DSCAM: variants seen among roughly 807,000 people sequenced by gnomAD.
DSCAM encodes the protein DS cell adhesion molecule, also known as cell adhesion molecule DSCAM.
A neutral mutation model predicts 217.7 loss-of-function variants in DSCAM; 47 were observed. The observed-to-expected ratio is 0.22, with a 90% CI of 0.17 to 0.28. The LOEUF (loss-of-function observed/expected upper bound fraction) is 0.28, where lower values mean the gene tolerates loss of function less well. Ranked by LOEUF, DSCAM falls within the 10% of genes least tolerant of loss-of-function variation. The probability of loss-of-function intolerance (pLI) is 1.00; values close to 1 mark genes in which losing one functional copy is unlikely to be tolerated. For synonymous variants in DSCAM, 1,056 were observed against 1,015.3 expected (o/e 1.04, Z -0.76); for missense variants, 2,080 against 2,618.3 (o/e 0.79, Z 4.49).
chr21:40,288,305 T>C (rs765166510), intron 10 of DSCAM, among the ~76,000 whole-genome samples: 34 of 152,326 alleles, frequency 2.2e-4, no homozygotes, highest in Admixed American at 3.9e-4. Context: ...GGACTATCCA[T>C]GGTATTGGCT....
At chr21:40,338,921 T>A (rs543062595) in intron 7 of DSCAM, among the ~76,000 whole-genome samples, 198 bp downstream of exon 7, 8 of 152,156 alleles carry the variant, frequency 5.3e-5, no homozygotes, top group African/African-American at 1.9e-4. Context: ...AAGAACAAGC[T>A]GACTACAGAA....
intron 10 of DSCAM, among the ~76,000 whole-genome samples, chr21:40,295,830 T>C (rs2073948087): frequency 6.6e-6 from 1 of 152,260 alleles, no homozygotes; most frequent in African/African-American, 2.4e-5. Flanking sequence ...CATCCCTCTG[T>C]GGCCTTTCCA....
chr21:40,600,519 C>T (rs1285095916), intron 3 of DSCAM, among the ~76,000 whole-genome samples: 1 of 152,164 alleles, frequency 6.6e-6, no homozygotes, highest in African/African-American at 2.4e-5. Context: ...ACACATACAT[C>T]CAGACCATAG....
At chr21:40,780,029 ACAAG>A (rs1446340447) in intron 1 of DSCAM, among the ~76,000 whole-genome samples, 5 of 152,224 alleles carry the variant, frequency 3.3e-5, no homozygotes, top group Non-Finnish European at 5.9e-5. Context: ...TCTCACCTTT[ACAAG>A]CAGAGTTAGG....
chr21:40,163,875 TC>T (rs1266833806), intron 16 of DSCAM, among the ~76,000 whole-genome samples: 1 of 152,210 alleles, frequency 6.6e-6, no homozygotes. Context: ...TCTCTGGAGA[TC>T]CTGATAGCGG....
intron 3 of DSCAM, among the ~76,000 whole-genome samples, chr21:40,506,221 T>C (rs530221962): frequency 1.3e-5 from 2 of 152,334 alleles, no homozygotes; most frequent in African/African-American, 2.4e-5. Flanking sequence ...CTGAAGCCCA[T>C]GCACGAGGGG....
intron 3 of DSCAM, among the ~76,000 whole-genome samples, chr21:40,669,618 C>A (rs1439611475): frequency 6.7e-6 from 1 of 148,228 alleles, no homozygotes; most frequent in African/African-American, 2.5e-5. Flanking sequence ...GACAGAGTCT[C>A]GCTCTGTCAG....
chr21:40,339,415 T>C lies in DSCAM; in HGVS notation c.1211A>G (p.Asp404Gly), dbSNP rs1785873090. The change falls in exon 7 of 33, where the codon GAT becomes GGT. Residue 404 changes from aspartate (D) to glycine (G), a missense_variant and splice_region_variant. This residue lies in a region of DSCAM where 568 missense variants were observed against 678.1 expected (regional missense o/e 0.84). Transcript: ENST00000400454. ...GGCAGAAATAATTTTGGGAGTTCCA[T>C]CTGCAGGAAAACAAATTATGGAAGA... Reference protein sequence around the residue: ...AQDYVQVVLEDGTPKIISAFS... With the variant: ...AQDYVQVVLEGGTPKIISAFS... 8.1e-6 allele frequency: 13 copies of C among 1,595,110 alleles called. No homozygotes were observed. The East Asian group carries it at 1.8e-4, about 22-fold the overall frequency.
intron 3 of DSCAM, among the ~76,000 whole-genome samples, chr21:40,687,470 G>A (rs1233478973): frequency 6.6e-6 from 1 of 152,142 alleles, no homozygotes; most frequent in Non-Finnish European, 1.5e-5. Context: ...GAAAGGGAAG[G>A]TTAACTTCTA....
At chr21:40,762,099 A>C (rs2091341543) in intron 1 of DSCAM, among the ~76,000 whole-genome samples, 1 of 152,222 alleles carries the variant, frequency 6.6e-6, no homozygotes, top group South Asian at 2.1e-4. Context: ...AAGACAAGAA[A>C]TAACTAAGAT....
At chr21:40,682,401 G>A (rs1189339685) in intron 3 of DSCAM, among the ~76,000 whole-genome samples, 1 of 151,776 alleles carries the variant, frequency 6.6e-6, no homozygotes, top group East Asian at 1.9e-4. Flanking sequence ...TCAGAGAGAA[G>A]ATCAACCAGG....
At chr21:40,200,834 G>T (rs772461078) in intron 11 of DSCAM, among the ~76,000 whole-genome samples, 1 of 152,184 alleles carries the variant, frequency 6.6e-6, no homozygotes, top group Non-Finnish European at 1.5e-5. Context: ...CTCTGAGGGT[G>T]TTGGAAGAAT....
At chr21:40,748,481 C>T (rs972941258) in intron 1 of DSCAM, among the ~76,000 whole-genome samples, 2 of 151,728 alleles carry the variant, frequency 1.3e-5, no homozygotes, top group Non-Finnish European at 2.9e-5. Context: ...ATTCCATGTA[C>T]AATAGTTACA....
At chr21:40,699,595 T>C (rs574459438) in intron 2 of DSCAM, among the ~76,000 whole-genome samples, 96 of 152,290 alleles carry the variant, frequency 6.3e-4, no homozygotes, top group Non-Finnish European at 1.1e-3. Context: ...TGAAACTACC[T>C]TACTGGTGGT....
chr21:40,173,513 C>T lies in DSCAM; in HGVS notation c.2947+5414G>A, dbSNP rs8127779. Reference sequence around the variant, plus strand: ...ATGACAAAAATCTACAGAGGCAGATCGCTGAGGGCCTGGTTGGTCATGGGG... The same window carrying T: ...ATGACAAAAATCTACAGAGGCAGATTGCTGAGGGCCTGGTTGGTCATGGGG... On this transcript the variant is annotated intron_variant, in intron 15 of 32. Coordinates refer to ENST00000400454, the MANE Select transcript of DSCAM (RefSeq NM_001389.5). Among the ~76,000 whole-genome samples, 797 of 152,204 alleles carry T rather than the reference C, an allele frequency of 5.2e-3. 6 individuals are homozygous for T. The highest frequency in any genetic ancestry group is 0.018 in the African/African-American group (740 of 41,530).
At chr21:40,314,535 T>G (rs151050242) in intron 8 of DSCAM, among the ~76,000 whole-genome samples, 1 of 152,370 alleles carries the variant, frequency 6.6e-6, no homozygotes, top group Non-Finnish European at 1.5e-5. Flanking sequence ...AATGTCATGT[T>G]GTACCAAAGG....
intron 3 of DSCAM, among the ~76,000 whole-genome samples, chr21:40,528,116 T>A (rs2076414407): frequency 6.6e-6 from 1 of 152,204 alleles, no homozygotes; most frequent in Non-Finnish European, 1.5e-5. Context: ...GATGATGACT[T>A]CATAAATCAT....
chr21:40,650,166 C>G (rs1325729854), intron 3 of DSCAM, among the ~76,000 whole-genome samples: 2 of 151,988 alleles, frequency 1.3e-5, no homozygotes, highest in Non-Finnish European at 2.9e-5. Context: ...GGTCAAATGC[C>G]CAAAACAAAA....
chr21:40,719,519 C>T (rs1161623314), intron 1 of DSCAM, among the ~76,000 whole-genome samples: 1 of 152,204 alleles, frequency 6.6e-6, no homozygotes, highest in African/African-American at 2.4e-5. Context: ...ACAGCAGCAA[C>T]ACGTTGTAAC....
Sources: gnomAD v4.1 joint callset for allele counts (sites outside exome capture counted in the v4.1 genomes callset) on GRCh38, gnomAD v4.1.1 for gene constraint, gnomAD v4.1.1 regional missense constraint, MANE v1.5 for transcripts, NCBI Gene and HGNC (gene_info 2026-07-23, HGNC 2026-07-21) for gene names.